Variants in PIP5K1B observed in about 807,000 individuals in gnomAD.
PIP5K1B encodes phosphatidylinositol-4-phosphate 5-kinase type 1 beta, also known as phosphatidylinositol 4-phosphate 5-kinase type-1 beta.
In PIP5K1B, 42 loss-of-function variants were observed where a neutral mutation model predicts 67.0. The observed-to-expected ratio is 0.63, with a 90% CI of 0.49 to 0.81. The LOEUF is 0.81. Ranked by LOEUF, PIP5K1B falls within the 30% of genes least tolerant of loss-of-function variation. PIP5K1B has a pLI of 0.00. For missense variants in PIP5K1B, 459 were observed against 646.3 expected (o/e 0.71, Z 3.14); for synonymous variants, 214 against 231.4 (o/e 0.92, Z 0.68).
chr9:68,732,925 G>T (rs935821292), intron 1 of PIP5K1B, among the ~76,000 whole-genome samples: 4,538 of 150,856 alleles, frequency 0.03, 249 homozygotes, highest in African/African-American at 0.1. Flanking sequence ...TTGGGGGGGG[G>T]GCGGCGCGGT....
chr9:68,974,305 G>C (rs920028070), intron 14 of PIP5K1B, among the ~76,000 whole-genome samples: 1 of 152,166 alleles, frequency 6.6e-6, no homozygotes, highest in African/African-American at 2.4e-5. Context: ...ATAGGCTCTA[G>C]AATCACCTGC....
At chr9:68,997,941 T>A (rs9314837) in intron 15 of PIP5K1B, among the ~76,000 whole-genome samples, 2,126 of 152,116 alleles carry the variant, frequency 0.014, 53 homozygotes, top group African/African-American at 0.049. Flanking sequence ...AGCAATTGAA[T>A]GACAGTTTGC....
At chr9:69,001,572 A>G (rs1365770234) in intron 15 of PIP5K1B, among the ~76,000 whole-genome samples, 1 of 152,136 alleles carries the variant, frequency 6.6e-6, no homozygotes, top group African/African-American at 2.4e-5. Flanking sequence ...CAGAAGGTGA[A>G]GGGGAAGCCA....
intron 5 of PIP5K1B, among the ~76,000 whole-genome samples, chr9:68,868,239 A>G (rs1823455126): frequency 6.6e-6 from 1 of 151,998 alleles, no homozygotes; most frequent in Non-Finnish European, 1.5e-5. Context: ...GGTTTCATGC[A>G]TTGATAGGAT....
chr9:68,954,830 C>T (rs1025017389), intron 14 of PIP5K1B, among the ~76,000 whole-genome samples: 1 of 152,214 alleles, frequency 6.6e-6, no homozygotes, highest in African/African-American at 2.4e-5. Context: ...ACCCAAATTT[C>T]ACTGGCTCTT....
chr9:68,898,534 T>C (rs541540175), intron 8 of PIP5K1B, among the ~76,000 whole-genome samples: 53 of 152,288 alleles, frequency 3.5e-4, no homozygotes, highest in Non-Finnish European at 2.1e-4. Flanking sequence ...CCATCCCCAA[T>C]GGCTCCCACG....
intron 14 of PIP5K1B, among the ~76,000 whole-genome samples, chr9:68,949,360 G>C (rs1437698186): frequency 6.6e-6 from 1 of 152,198 alleles, no homozygotes; most frequent in South Asian, 2.1e-4. Context: ...ATTTTGGCAA[G>C]CTCCTTAAGA....
chr9:68,966,987 T>G (rs993819459), intron 14 of PIP5K1B, among the ~76,000 whole-genome samples: 2 of 152,204 alleles, frequency 1.3e-5, no homozygotes, highest in Non-Finnish European at 2.9e-5. Flanking sequence ...CTATGATTGA[T>G]TTATTATGCA....
At chr9:68,761,514 C>G (rs960843270) in intron 2 of PIP5K1B, among the ~76,000 whole-genome samples, 4 of 152,070 alleles carry the variant, frequency 2.6e-5, no homozygotes, top group Non-Finnish European at 4.4e-5. Context: ...TCTCATAGTT[C>G]TGGAAGTGAG....
intron 2 of PIP5K1B, among the ~76,000 whole-genome samples, chr9:68,795,818 T>G (rs1485223599): frequency 6.6e-6 from 1 of 152,230 alleles, no homozygotes; most frequent in African/African-American, 2.4e-5. Context: ...AGAAATCTGC[T>G]TTAATTTTAA....
At chr9:68,788,596 T>C (rs72512921) in intron 2 of PIP5K1B, 12,186 of 242,018 alleles carry the variant, frequency 0.05, 504 homozygotes, top group East Asian at 0.22. Context: ...TGAAGACCCA[T>C]GGTCTTCCTT....
chr9:68,896,425 A>G (rs1302422921), intron 8 of PIP5K1B, among the ~76,000 whole-genome samples: 1 of 151,540 alleles, frequency 6.6e-6, no homozygotes, highest in East Asian at 1.9e-4. Context: ...TGAGCTCAGG[A>G]CTGAGACCGC....
chr9:68,782,563 C>T (rs1831355241), intron 2 of PIP5K1B: 1 of 167,066 alleles, frequency 6.0e-6, no homozygotes, highest in South Asian at 2.1e-4. Flanking sequence ...CTTACAGAGA[C>T]TTTAACAATT....
intron 4 of PIP5K1B, among the ~76,000 whole-genome samples, chr9:68,849,940 G>A (rs1202487483): frequency 1.3e-5 from 2 of 152,020 alleles, no homozygotes; most frequent in Non-Finnish European, 2.9e-5. Flanking sequence ...TTGTTTTTCA[G>A]GTAAAAAGCA....
At chr9:68,744,858 CCA>C (rs975858101) in intron 2 of PIP5K1B, among the ~76,000 whole-genome samples, 3 of 152,306 alleles carry the variant, frequency 2.0e-5, no homozygotes, top group African/African-American at 4.8e-5. Flanking sequence ...CAGACTGTTT[CCA>C]CAGTCTCTAG....
intron 14 of PIP5K1B, among the ~76,000 whole-genome samples, chr9:68,962,878 A>G (rs1455674183): frequency 6.6e-6 from 1 of 152,196 alleles, no homozygotes. Flanking sequence ...TCCTTCTCTA[A>G]TGAAAACATT....
chr9:68,988,815 T>C (rs901459014), intron 14 of PIP5K1B, among the ~76,000 whole-genome samples: 10 of 151,912 alleles, frequency 6.6e-5, no homozygotes, highest in Non-Finnish European at 1.3e-4. Flanking sequence ...CTACACAATT[T>C]GTTGCGCATG....
intron 8 of PIP5K1B, among the ~76,000 whole-genome samples, chr9:68,908,384 A>AT (rs1472180298): frequency 6.6e-6 from 1 of 151,944 alleles, no homozygotes; most frequent in Non-Finnish European, 1.5e-5. Context: ...CACATTATAT[A>AT]TATACATGTA....
intron 14 of PIP5K1B, among the ~76,000 whole-genome samples, chr9:68,962,365 G>A (rs1344235352): frequency 6.6e-6 from 1 of 152,092 alleles, no homozygotes; most frequent in Non-Finnish European, 1.5e-5. Flanking sequence ...TCAGAGAACT[G>A]GTTAAATGCA....
Sources: allele counts gnomAD v4.1 joint callset (sites outside exome capture counted in the v4.1 genomes callset), GRCh38; gene constraint gnomAD v4.1.1; transcripts MANE v1.5; gene names NCBI Gene and HGNC (gene_info 2026-07-23, HGNC 2026-07-21).